Variants in VKORC1L1 observed in about 807,000 individuals in gnomAD.
The protein encoded by VKORC1L1 is vitamin K epoxide reductase complex subunit 1L1.
A neutral mutation model predicts 18.9 loss-of-function variants in VKORC1L1; 2 were observed. That is an observed-to-expected ratio of 0.11 (90% CI 0.04 to 0.33). The LOEUF is 0.33. VKORC1L1 is among the 10% of genes least tolerant of loss of function. The pLI, the probability that VKORC1L1 is intolerant of heterozygous loss-of-function variation, is 1.00. For missense variants in VKORC1L1, 123 were observed against 224.1 expected (o/e 0.55, Z 2.88); for synonymous variants, 96 against 100.0 (o/e 0.96, Z 0.24).
intron 1 of VKORC1L1, among the ~76,000 whole-genome samples, chr7:65,918,072 A>G (rs1430476997): frequency 6.6e-6 from 1 of 152,188 alleles, no homozygotes; most frequent in Non-Finnish European, 1.5e-5. Context: ...CTTTGCTACT[A>G]CATTACTACA....
At chr7:65,879,061 C>T (rs145863987) in intron 1 of VKORC1L1, among the ~76,000 whole-genome samples, 6,168 of 152,164 alleles carry the variant, frequency 0.041, 160 homozygotes, top group African/African-American at 0.066. Context: ...TTTTCAGAGC[C>T]GTTTGACACA....
intron 1 of VKORC1L1, among the ~76,000 whole-genome samples, chr7:65,880,044 G>A (rs957974031): frequency 3.3e-5 from 5 of 151,832 alleles, no homozygotes; most frequent in Admixed American, 2.0e-4. Context: ...TCATAGTGAC[G>A]AGGTCTCACT....
chr7:65,883,323 A>G (rs368178677), intron 1 of VKORC1L1, among the ~76,000 whole-genome samples: 1 of 151,256 alleles, frequency 6.6e-6, no homozygotes, highest in Non-Finnish European at 1.5e-5. Context: ...TTGTGTGTGT[A>G]TATTTTTAGT....
intron 1 of VKORC1L1, among the ~76,000 whole-genome samples, chr7:65,941,304 CAG>C (rs1477391688): frequency 6.6e-6 from 1 of 151,798 alleles, no homozygotes; most frequent in Middle Eastern, 3.2e-3. Flanking sequence ...TAGGTAGCGA[CAG>C]AGTCTCATAA....
intron 1 of VKORC1L1, among the ~76,000 whole-genome samples, chr7:65,880,029 A>G (rs190137261): frequency 1.3e-5 from 2 of 151,170 alleles, no homozygotes; most frequent in African/African-American, 2.4e-5. Context: ...AATTTTTTCT[A>G]TTTTTCATAG....
chr7:65,935,120 T>C (rs1393813360), intron 1 of VKORC1L1, among the ~76,000 whole-genome samples: 10 of 151,956 alleles, frequency 6.6e-5, no homozygotes, highest in Admixed American at 6.6e-4. Flanking sequence ...TATTTCCCTC[T>C]GGTGTCATTC....
upstream of VKORC1L1, among the ~76,000 whole-genome samples, chr7:65,872,996 C>A (rs1275488131): frequency 4.5e-5 from 5 of 109,966 alleles, no homozygotes; most frequent in Non-Finnish European, 1.2e-4. Context: ...CCCATCCCCA[C>A]CCCTGCCCCA....
At chr7:65,898,231 C>T (rs1306244809) in intron 1 of VKORC1L1, among the ~76,000 whole-genome samples, 9 of 151,542 alleles carry the variant, frequency 5.9e-5, no homozygotes, top group Non-Finnish European at 1.0e-4. Flanking sequence ...GGGTTACAGG[C>T]GCCTGCCATC....
the VKORC1L1 span, among the ~76,000 whole-genome samples, chr7:65,866,096 A>G: frequency 6.6e-6 from 1 of 152,176 alleles, no homozygotes; most frequent in African/African-American, 2.4e-5. Context: ...GCCTGGTGAT[A>G]GAGTGGGACT....
At chr7:65,889,655 C>T (rs1196833566) in intron 1 of VKORC1L1, among the ~76,000 whole-genome samples, 1 of 152,228 alleles carries the variant, frequency 6.6e-6, no homozygotes, top group African/African-American at 2.4e-5. Context: ...AAAGCCCTCC[C>T]TTAACTTTCC....
chr7:65,918,085 C>T (rs1342125928), intron 1 of VKORC1L1, among the ~76,000 whole-genome samples: 1 of 152,118 alleles, frequency 6.6e-6, no homozygotes, highest in Non-Finnish European at 1.5e-5. Context: ...TTACTACAAC[C>T]CTAAAGGTTT....
At chr7:65,910,054 C>A (rs1789478202) in intron 1 of VKORC1L1, among the ~76,000 whole-genome samples, 1 of 151,974 alleles carries the variant, frequency 6.6e-6, no homozygotes, top group African/African-American at 2.4e-5. Context: ...GTTAAAAAGC[C>A]TGTTGCTTTC....
intron 1 of VKORC1L1, among the ~76,000 whole-genome samples, chr7:65,948,324 TGTCTCCTTCTGCATAGAGAA>T (rs1423601992): frequency 2.0e-5 from 3 of 149,830 alleles, no homozygotes; most frequent in Non-Finnish European, 3.0e-5. Context: ...AGTGGACAAC[TGTCTCCTTCTGCATAGAGAA>T]GTCTCCTTCT....
At chr7:65,912,743 T>C (rs1346696719) in intron 1 of VKORC1L1, among the ~76,000 whole-genome samples, 1 of 152,208 alleles carries the variant, frequency 6.6e-6, no homozygotes, top group Non-Finnish European at 1.5e-5. Context: ...TGGGGATCTA[T>C]ACTTTGTAAA....
At chr7:65,872,699 C>T (rs1788741260), upstream of VKORC1L1, among the ~76,000 whole-genome samples, 1 of 152,030 alleles carries the variant, frequency 6.6e-6, no homozygotes, top group Non-Finnish European at 1.5e-5. Context: ...AAGTTTTGCA[C>T]AGGTCTAACC....
At chr7:65,871,610 C>T (rs1385246975), upstream of VKORC1L1, among the ~76,000 whole-genome samples, 2 of 152,220 alleles carry the variant, frequency 1.3e-5, no homozygotes, top group Non-Finnish European at 2.9e-5. Flanking sequence ...CTTTTTCTGT[C>T]TCTTCCTCTT....
At chr7:65,907,791 A>G (rs903325060) in intron 1 of VKORC1L1, among the ~76,000 whole-genome samples, 7 of 152,204 alleles carry the variant, frequency 4.6e-5, no homozygotes, top group African/African-American at 1.7e-4. Flanking sequence ...GTCTGAGATT[A>G]CAATCAGAAC....
upstream of VKORC1L1, among the ~76,000 whole-genome samples, chr7:65,872,557 A>T (rs1473988227): frequency 1.3e-5 from 2 of 152,108 alleles, no homozygotes; most frequent in Non-Finnish European, 2.9e-5. Flanking sequence ...CGAACTCCTG[A>T]CCTCAAGTGA....
chr7:65,948,039 A>C (rs1429012963), intron 1 of VKORC1L1, among the ~76,000 whole-genome samples: 1 of 152,158 alleles, frequency 6.6e-6, no homozygotes, highest in Non-Finnish European at 1.5e-5. Flanking sequence ...TATCCTGGTG[A>C]AATTTGTGAA....
Sources: gnomAD v4.1 joint callset for allele counts (sites outside exome capture counted in the v4.1 genomes callset) on GRCh38, gnomAD v4.1.1 for gene constraint, MANE v1.5 for transcripts, NCBI Gene and HGNC (gene_info 2026-07-23, HGNC 2026-07-21) for gene names.